CHRM3: variants seen among roughly 807,000 people sequenced by gnomAD.
CHRM3 encodes cholinergic receptor muscarinic 3, also known as muscarinic acetylcholine receptor M3.
A neutral mutation model predicts 41.8 loss-of-function variants in CHRM3; 11 were observed. The observed-to-expected ratio is 0.26, with a 90% CI of 0.17 to 0.44. The LOEUF (loss-of-function observed/expected upper bound fraction) is 0.44. CHRM3 is among the 20% of genes least tolerant of loss of function. CHRM3 has a pLI of 1.00. For missense variants in CHRM3, 571 were observed against 745.4 expected, an observed-to-expected ratio of 0.77 and a Z score of 2.72; for synonymous variants, 297 against 301.4, an observed-to-expected ratio of 0.99 and a Z score of 0.15.
At chr1:239,630,774 G>T (rs75397605) in intron 3 of CHRM3, among the ~76,000 whole-genome samples, 22 of 152,250 alleles carry the variant, frequency 1.4e-4, no homozygotes, top group Middle Eastern at 3.4e-3. Context: ...TTCAAGTTGT[G>T]ACCCATGGTC....
chr1:239,588,940 CT>C (rs542992711), intron 3 of CHRM3, among the ~76,000 whole-genome samples: 327 of 145,416 alleles, frequency 2.2e-3, no homozygotes, highest in Middle Eastern at 3.6e-3. Flanking sequence ...TATGAAGCAT[CT>C]TTTTTTTTTT....
At chr1:239,535,200 A>C (rs1471668325) in intron 2 of CHRM3, among the ~76,000 whole-genome samples, 1 of 152,114 alleles carries the variant, frequency 6.6e-6, no homozygotes, top group Non-Finnish European at 1.5e-5. Context: ...TTGGGGATTC[A>C]CCAGGGTACC....
intron 1 of CHRM3, among the ~76,000 whole-genome samples, chr1:239,394,016 T>C (rs188912239): frequency 2.6e-5 from 4 of 152,298 alleles, no homozygotes; most frequent in Admixed American, 6.5e-5. Flanking sequence ...TTCATATCAG[T>C]ATCATCTAAT....
chr1:239,804,796 A>T (rs907114580), intron 5 of CHRM3, among the ~76,000 whole-genome samples: 12 of 152,284 alleles, frequency 7.9e-5, no homozygotes, highest in African/African-American at 2.9e-4. Context: ...CGCCTCTCGC[A>T]TTGACTGTTT....
chr1:239,557,878 C>T (rs544712856), intron 3 of CHRM3, among the ~76,000 whole-genome samples: 6 of 152,276 alleles, frequency 3.9e-5, no homozygotes, highest in Admixed American at 1.3e-4. Context: ...TTTATCCAGT[C>T]TATCATTGAT....
chr1:239,845,350 G>T (rs1477540788), intron 6 of CHRM3, among the ~76,000 whole-genome samples: 1 of 152,000 alleles, frequency 6.6e-6, no homozygotes, highest in Non-Finnish European at 1.5e-5. Flanking sequence ...TTTTTGTTTT[G>T]GTTTGGGTTT....
intron 1 of CHRM3, among the ~76,000 whole-genome samples, chr1:239,395,470 C>T (rs1377913275): frequency 6.6e-6 from 1 of 152,100 alleles, no homozygotes; most frequent in Non-Finnish European, 1.5e-5. Context: ...CTTCCCTCAC[C>T]TCCTACATTT....
chr1:239,895,426 A>G (rs191209460), intron 6 of CHRM3, among the ~76,000 whole-genome samples: 3 of 152,082 alleles, frequency 2.0e-5, no homozygotes, highest in Non-Finnish European at 4.4e-5. Context: ...CTTTTCACAG[A>G]TCTTGCTTTC....
chr1:239,543,897 T>C (rs183019507), intron 2 of CHRM3, among the ~76,000 whole-genome samples: 327 of 152,302 alleles, frequency 2.1e-3, no homozygotes, highest in African/African-American at 7.4e-3. Context: ...AACTCTGCCA[T>C]GGTAACATGA....
At chr1:239,823,381 G>T (rs1164939886) in intron 5 of CHRM3, among the ~76,000 whole-genome samples, 3 of 152,030 alleles carry the variant, frequency 2.0e-5, no homozygotes, top group Non-Finnish European at 4.4e-5. Context: ...TATCTAATGT[G>T]CCCCAGACAG....
intron 3 of CHRM3, among the ~76,000 whole-genome samples, chr1:239,608,347 A>AG (rs1417833617): frequency 6.6e-6 from 1 of 152,158 alleles, no homozygotes; most frequent in Non-Finnish European, 1.5e-5. Flanking sequence ...CATTGTTCAA[A>AG]GGTTGCTTTG....
At chr1:239,880,686 G>A (rs973603722) in intron 6 of CHRM3, among the ~76,000 whole-genome samples, 19 of 152,020 alleles carry the variant, frequency 1.2e-4, no homozygotes, top group Non-Finnish European at 1.3e-4. Context: ...GTAGAGACAG[G>A]GGTCTTGCTT....
intron 2 of CHRM3, among the ~76,000 whole-genome samples, chr1:239,526,864 G>T (rs1474332134): frequency 1.3e-5 from 2 of 152,068 alleles, no homozygotes; most frequent in African/African-American, 4.8e-5. Context: ...GCTCACCCCT[G>T]TAATCTGAAC....
At chr1:239,840,637 T>C (rs1328968323) in intron 6 of CHRM3, among the ~76,000 whole-genome samples, 2 of 152,210 alleles carry the variant, frequency 1.3e-5, no homozygotes, top group South Asian at 4.1e-4. Flanking sequence ...AAAACTGGCC[T>C]TTATTCTGAG....
At chr1:239,438,478 T>C (rs1037764836) in intron 1 of CHRM3, among the ~76,000 whole-genome samples, 1 of 152,244 alleles carries the variant, frequency 6.6e-6, no homozygotes, top group Non-Finnish European at 1.5e-5. Context: ...CTGCTTTATC[T>C]TGGTGTGCTG....
rs183483606 is a variant in CHRM3 at position 239,862,943 on chromosome 1, G to C, written c.-20+35565G>C. ...GGAAGCTTGAGATGAAAGATATACAGACAATTTTCACTCTAACCTTTGTAT... is the reference window on the plus strand; with the variant it reads ...GGAAGCTTGAGATGAAAGATATACACACAATTTTCACTCTAACCTTTGTAT... On this transcript the variant is annotated intron_variant, in intron 6 of 6. Transcript: ENST00000676153. 4.9e-3 allele frequency among the ~76,000 whole-genome samples: 752 copies of C among 152,298 alleles called. 4 individuals carry two copies. The highest frequency in any genetic ancestry group is 0.01 in the Middle Eastern group (3 of 294).
At chr1:239,878,488 A>T (rs776736675) in intron 6 of CHRM3, among the ~76,000 whole-genome samples, 4 of 152,036 alleles carry the variant, frequency 2.6e-5, no homozygotes, top group Non-Finnish European at 5.9e-5. Context: ...GCCCATACTC[A>T]TCTCCTAGTG....
chr1:239,732,956 G>C (rs1253107772), intron 5 of CHRM3, among the ~76,000 whole-genome samples: 2 of 151,672 alleles, frequency 1.3e-5, no homozygotes, highest in African/African-American at 2.4e-5. Flanking sequence ...ATTTAGATAA[G>C]TATACCTAAT....
intron 1 of CHRM3, among the ~76,000 whole-genome samples, chr1:239,477,495 T>C (rs1168959106): frequency 6.6e-6 from 1 of 152,212 alleles, no homozygotes; most frequent in Non-Finnish European, 1.5e-5. Flanking sequence ...GGGCTGCTTT[T>C]GATCTCAGAG....
Sources: allele counts gnomAD v4.1 joint callset (sites outside exome capture counted in the v4.1 genomes callset), GRCh38; gene constraint gnomAD v4.1.1; transcripts MANE v1.5; gene names NCBI Gene and HGNC (gene_info 2026-07-23, HGNC 2026-07-21).